Variants in ATXN8OS observed in about 807,000 individuals in gnomAD.
The protein encoded by ATXN8OS is ATXN8 opposite strand lncRNA, also known as ATXN8 opposite strand (non-protein coding).
exon 1 of ATXN8OS, chr13:70,107,997 C>T (rs1312885296): frequency 2.3e-6 from 1 of 441,124 alleles, no homozygotes; most frequent in African/African-American, 2.0e-5. Context: ...GATGCCCGCG[C>T]GAGAGCCCCG....
intron 3 of ATXN8OS, among the ~76,000 whole-genome samples, chr13:70,133,379 C>T (rs1387862966): frequency 6.6e-6 from 1 of 151,936 alleles, no homozygotes; most frequent in African/African-American, 2.4e-5. Flanking sequence ...ATGACCATGC[C>T]CCTTAAACAG....
chr13:70,139,400 T>TGCC (rs1888672214), intron 3 of ATXN8OS: 3 of 630,170 alleles, frequency 4.8e-6, no homozygotes, highest in Non-Finnish European at 5.2e-6. Flanking sequence ...CTGCTGCTGC[T>TGCC]GCTGCTGCTG....
intron 3 of ATXN8OS, chr13:70,130,722 C>A (rs557069130): frequency 5.0e-6 from 2 of 398,480 alleles, no homozygotes; most frequent in African/African-American, 4.1e-5. Context: ...TTAAATATAT[C>A]TGGCATAATC....
chr13:70,116,273 A>G (rs145683672), intron 2 of ATXN8OS, among the ~76,000 whole-genome samples: 393 of 152,242 alleles, frequency 2.6e-3, no homozygotes, highest in Non-Finnish European at 4.8e-3. Context: ...TGGAGACATC[A>G]TCCAGGGAGA....
chr13:70,114,345 C>T (rs1277857364), intron 1 of ATXN8OS, among the ~76,000 whole-genome samples: 1 of 152,104 alleles, frequency 6.6e-6, no homozygotes, highest in Non-Finnish European at 1.5e-5. Flanking sequence ...CATGTAAATT[C>T]TCTTTCTTTA....
intron 3 of ATXN8OS, chr13:70,130,621 G>T: frequency 2.5e-6 from 1 of 398,030 alleles, no homozygotes; most frequent in Non-Finnish European, 4.4e-6. Context: ...GGTAAGTAAT[G>T]CAGAGCAACA....
At chr13:70,131,913 A>G (rs1046913463) in intron 3 of ATXN8OS, among the ~76,000 whole-genome samples, 4 of 152,190 alleles carry the variant, frequency 2.6e-5, no homozygotes, top group Non-Finnish European at 4.4e-5. Context: ...CATTGTGTGA[A>G]TGTATAAATG....
intron 1 of ATXN8OS, among the ~76,000 whole-genome samples, chr13:70,113,976 C>T (rs181620625): frequency 1.3e-5 from 2 of 152,036 alleles, no homozygotes; most frequent in African/African-American, 4.8e-5. Flanking sequence ...GTTATAACAC[C>T]CCAAAACAAC....
At chr13:70,140,456 G>C (rs548465626) in intron 3 of ATXN8OS, among the ~76,000 whole-genome samples, 25 of 149,600 alleles carry the variant, frequency 1.7e-4, no homozygotes, top group African/African-American at 5.7e-4. Context: ...CAAAATTTAG[G>C]GCATGTGTTT....
At chr13:70,129,674 T>C (rs1438532030) in intron 2 of ATXN8OS, 1 of 396,596 alleles carries the variant, frequency 2.5e-6, no homozygotes, top group Non-Finnish European at 4.4e-6. Flanking sequence ...CATTTAGAAA[T>C]GTTCTTATAA....
chr13:70,131,304 G>A (rs6650428), intron 3 of ATXN8OS: 348,947 of 398,318 alleles, frequency 0.88, 153,331 homozygotes, highest in East Asian at 1. Context: ...TACCTAAAAT[G>A]CTACAGATGT....
intron 4 of ATXN8OS, among the ~76,000 whole-genome samples, chr13:70,156,223 AGGTG>A (rs1338941035): frequency 1.3e-5 from 2 of 148,644 alleles, no homozygotes; most frequent in African/African-American, 4.9e-5. Context: ...GAGTGAGCAC[AGGTG>A]GGTATGGGTG....
At chr13:70,138,469 G>T (rs1888650856) in intron 3 of ATXN8OS, among the ~76,000 whole-genome samples, 1 of 151,874 alleles carries the variant, frequency 6.6e-6, no homozygotes, top group African/African-American at 2.4e-5. Context: ...ATTGTGTTTT[G>T]ATCTGGGTTT....
chr13:70,112,396 T>G (rs1420274271), intron 1 of ATXN8OS, among the ~76,000 whole-genome samples: 1 of 152,118 alleles, frequency 6.6e-6, no homozygotes, highest in Non-Finnish European at 1.5e-5. Flanking sequence ...AAATAAAAAT[T>G]GTTTTGCAGT....
chr13:70,112,920 A>ATATATATATATTT (rs1555298511), intron 1 of ATXN8OS, among the ~76,000 whole-genome samples: 97 of 87,564 alleles, frequency 1.1e-3, no homozygotes, highest in East Asian at 2.9e-3. Flanking sequence ...TATATATATA[A>ATATATATATATTT]TTTTTTTTTT....
chr13:70,138,840 C>T (rs1338489917), intron 3 of ATXN8OS, among the ~76,000 whole-genome samples: 1 of 152,034 alleles, frequency 6.6e-6, no homozygotes, highest in South Asian at 2.1e-4. Flanking sequence ...CGATAATTCT[C>T]ATTAATAATT....
At chr13:70,150,192 C>T (rs567762946) in intron 4 of ATXN8OS, among the ~76,000 whole-genome samples, 24 of 150,886 alleles carry the variant, frequency 1.6e-4, no homozygotes, top group Non-Finnish European at 2.8e-4. Context: ...AATGAAGTTA[C>T]TCCTCCTATT....
chr13:70,152,370 T>C (rs11617088), intron 4 of ATXN8OS, among the ~76,000 whole-genome samples: 12,581 of 151,950 alleles, frequency 0.083, 630 homozygotes, highest in Non-Finnish European at 0.098. Flanking sequence ...TATATATACA[T>C]ATATATGTAT....
chr13:70,107,873 G>C (rs188602966), exon 1 of ATXN8OS: 1 of 561,246 alleles, frequency 1.8e-6, no homozygotes, highest in Non-Finnish European at 3.0e-6. Flanking sequence ...AGGCTGGAGC[G>C]CAGACGGCAA....
Sources: allele counts gnomAD v4.1 joint callset (sites outside exome capture counted in the v4.1 genomes callset), GRCh38; gene constraint gnomAD v4.1.1; transcripts MANE v1.5; gene names NCBI Gene and HGNC (gene_info 2026-07-23, HGNC 2026-07-21).